PKD1L1: variants seen among roughly 807,000 people sequenced by gnomAD.
PKD1L1 encodes the protein polycystin-1-like protein 1.
In PKD1L1, 236 loss-of-function variants were observed where a neutral mutation model predicts 323.4. The ratio of observed to expected loss-of-function variants is 0.73; its 90% CI spans 0.66 to 0.81. The LOEUF (loss-of-function observed/expected upper bound fraction) is 0.81, where lower values mean the gene tolerates loss of function less well. PKD1L1 is among the 40% of genes least tolerant of loss of function. The pLI is 0.00. For missense variants in PKD1L1, 3,320 were observed against 3,508.0 expected (o/e 0.95, Z 1.35); for synonymous variants, 1,344 against 1,335.0 (o/e 1.01, Z -0.15).
chr7:47,800,686 A>T lies in PKD1L1; in HGVS notation c.8156T>A (p.Ile2719Asn), dbSNP rs753425528. The stretch of plus-strand genomic sequence containing the variant: ...CAGTGTGGCAGAGACTATTAAAAGG[A>T]TCCCAAAGTAACAAGCCATGGCCCG... ...DQRAMACYFG[I>N]LLIVSATLCF... is the part of the protein sequence containing the mutation. Residue 2719 changes from isoleucine (I) to asparagine (N), a missense_variant, in exon 54 of 57, where the codon ATC becomes AAC. Ile to Asn is a moderately radical substitution (Grantham distance 149). Transcript: ENST00000289672. The T allele has an allele frequency of 2.5e-6, 4 of 1,614,212 alleles. No individual in the cohort carries two copies. In the Admixed American group the frequency reaches 6.7e-5, roughly 27 times the overall value.
rs1197055678 is a variant in PKD1L1, at chr7:47,803,268, G to C, written c.7904C>G (p.Thr2635Arg). ...KCVYLPGIQN[T>R]MASCSSMMRH... is the part of the protein sequence containing the mutation. ...CATCATGGAGGAGCAGGATGCCATTGTGTTTTGAATGCCAGGAAGATAGAC... is the reference window on the plus strand; with the variant it reads ...CATCATGGAGGAGCAGGATGCCATTCTGTTTTGAATGCCAGGAAGATAGAC... The change falls in exon 53 of 57, where the codon ACA (threonine) becomes AGA (arginine). Residue 2635 changes from threonine to arginine, a missense_variant. By Grantham distance (71) the Thr-to-Arg change is moderately conservative. Transcript: ENST00000289672. 6.2e-7 allele frequency: 1 copy of C among 1,614,166 alleles called. No individual in the cohort carries two copies. The highest frequency in any genetic ancestry group is 8.5e-7 in the Non-Finnish European group (1 of 1,180,026).
chr7:47,960,671 GAAAT>G, the PKD1L1 span, among the ~76,000 whole-genome samples: 453 of 140,772 alleles, frequency 3.2e-3, 1 homozygote, highest in Non-Finnish European at 5.7e-3. Flanking sequence ...GAAAGGAGCA[GAAAT>G]AAATAATTTT....
At chr7:47,890,505 C>A in intron 16 of PKD1L1, 37 bp downstream of exon 16, 1 of 1,594,940 alleles carries the variant, frequency 6.3e-7, no homozygotes, top group South Asian at 1.1e-5. Flanking sequence ...GAACAAACAC[C>A]GGTGAGCTGA....
At chr7:47,811,768 C>T (rs1019915550) in intron 50 of PKD1L1, 49 bp downstream of exon 50, 6 of 1,469,046 alleles carry the variant, frequency 4.1e-6, no homozygotes, top group Non-Finnish European at 5.6e-6. Flanking sequence ...CAGGTGAAGC[C>T]CCATCTTCCT....
chr7:47,904,106 G>A (rs542925756), intron 12 of PKD1L1, among the ~76,000 whole-genome samples: 48 of 152,258 alleles, frequency 3.2e-4, no homozygotes, highest in African/African-American at 1.1e-3. Flanking sequence ...TCCTACTCAA[G>A]ATATCACTTT....
intron 13 of PKD1L1, 98 bp downstream of exon 13, chr7:47,902,281 G>A (rs775903192): frequency 4.8e-5 from 70 of 1,469,770 alleles, no homozygotes; most frequent in Non-Finnish European, 6.2e-5. Context: ...ACAAAGCCTC[G>A]CTTCATGCCC....
chr7:47,889,888 T>G (rs753590234), intron 16 of PKD1L1, among the ~76,000 whole-genome samples: 7 of 152,126 alleles, frequency 4.6e-5, no homozygotes, highest in Non-Finnish European at 1.0e-4. Flanking sequence ...TCCATCCCGA[T>G]GCTCACTTAC....
Position 47,839,628 on chromosome 7 carries a change from G to T in PKD1L1, c.5587C>A (p.Arg1863Ser). 6.3e-7 allele frequency: 1 copy of T among 1,581,310 alleles called. No individual in the cohort carries two copies. Among genetic ancestry groups the T allele is most frequent in the Non-Finnish European group, 8.6e-7 (1 of 1,163,484 alleles). Reference protein sequence around the residue: ...PAQLGLLRKIRLWHDSRGPSP... With the variant: ...PAQLGLLRKISLWHDSRGPSP... Reference sequence around the variant, plus strand: ...GGCCCACGGCTGTCGTGCCAGAGGCGGATCTTCCTCAGCAGGCCCAGTTGG... The same window carrying T: ...GGCCCACGGCTGTCGTGCCAGAGGCTGATCTTCCTCAGCAGGCCCAGTTGG... The change falls in exon 36 of 57, where the codon CGC (arginine) becomes AGC (serine). Residue 1863 changes from arginine (R) to serine (S), a missense_variant. Transcript: ENST00000289672. The surrounding 1 kb of genome is among the most constrained non-coding windows in gnomAD (Gnocchi z 4.3).
chr7:47,949,059 G>A (rs1344377656), upstream of PKD1L1, among the ~76,000 whole-genome samples: 1 of 152,100 alleles, frequency 6.6e-6, no homozygotes, highest in African/African-American at 2.4e-5. Context: ...GAAGCTGAGA[G>A]AAGTCTGAGA....
chr7:47,891,046 C>T (rs1310646342), intron 15 of PKD1L1, among the ~76,000 whole-genome samples: 3 of 152,170 alleles, frequency 2.0e-5, no homozygotes, highest in Non-Finnish European at 1.5e-5. Context: ...CCCTTCTCTG[C>T]GCACAGCGAC....
chr7:47,862,471 G>T (rs543696262), intron 26 of PKD1L1, among the ~76,000 whole-genome samples: 1 of 152,152 alleles, frequency 6.6e-6, no homozygotes, highest in Admixed American at 6.5e-5. Context: ...CCTGCCATGC[G>T]TTACACCTAT....
At position 47,843,055 on chromosome 7, in the gene PKD1L1, G is replaced by T; in HGVS notation, c.5352C>A (p.Tyr1784Ter). ...VDHHEKKKAG[Y>*]IFLQEASLPG... is the part of the protein sequence containing the mutation. ...GCAGGGAAGCTTCTTGCAGAAAGAT[G>T]TAACCAGCTTTCTTTTTTTCATGAT... The change falls in exon 34 of 57, where the codon TAC becomes TAA. Residue 1784 changes from tyrosine to a stop codon, truncating the protein, a stop_gained. Coordinates refer to ENST00000289672, the MANE Select transcript of PKD1L1 (RefSeq NM_138295.5). LOFTEE classifies it high-confidence loss of function. 1.2e-6 allele frequency: 2 copies of T among 1,613,964 alleles called. No homozygotes were observed. Among genetic ancestry groups the T allele is most frequent in the Non-Finnish European group, 1.7e-6 (2 of 1,179,896 alleles).
At chr7:47,857,968 C>T in intron 27 of PKD1L1, 136 bp from the exon 28 acceptor site, 1 of 771,722 alleles carries the variant, frequency 1.3e-6, no homozygotes. Flanking sequence ...AGCAAGAGCG[C>T]AGGTCTTAGG....
intron 26 of PKD1L1, among the ~76,000 whole-genome samples, chr7:47,861,097 G>A (rs1051375778): frequency 4.6e-5 from 7 of 152,194 alleles, no homozygotes; most frequent in East Asian, 1.9e-4. Context: ...GAGTCACCAC[G>A]AGGGAGACAC....
chr7:47,911,519 C>T (rs73109237), intron 8 of PKD1L1, among the ~76,000 whole-genome samples: 151 of 152,180 alleles, frequency 9.9e-4, no homozygotes, highest in Admixed American at 2.1e-3. Context: ...GTTGCAGATG[C>T]TTAAAATTAT....
In PKD1L1 at chr7:47,840,428, T is replaced by C; in HGVS notation, c.5552+33A>G. On this transcript the variant is annotated intron_variant, in intron 35 of 56. Coordinates refer to ENST00000289672, the MANE Select transcript of PKD1L1 (RefSeq NM_138295.5). The surrounding 1 kb of genome is among the most constrained non-coding windows in gnomAD (Gnocchi z 4.1). ...ACACCAATTCTGATTGGCCTCTCTTTCCCAAATCTAGCAGTGAAATATTTT... is the reference window on the plus strand; with the variant it reads ...ACACCAATTCTGATTGGCCTCTCTTCCCCAAATCTAGCAGTGAAATATTTT... 1 of 1,535,284 alleles carries C rather than the reference T, an allele frequency of 6.5e-7. No homozygotes were observed. Among genetic ancestry groups the C allele is most frequent in the Non-Finnish European group, 9.0e-7 (1 of 1,108,648 alleles).
At chr7:47,942,286 T>C (rs1788003323) in intron 2 of PKD1L1, among the ~76,000 whole-genome samples, 1 of 152,180 alleles carries the variant, frequency 6.6e-6, no homozygotes, top group Non-Finnish European at 1.5e-5. Context: ...TTCATGATGA[T>C]TATGCTCTGT....
chr7:47,795,938 C>T (rs770936620), intron 55 of PKD1L1, 51 bp downstream of exon 55: 61 of 1,562,752 alleles, frequency 3.9e-5, no homozygotes, highest in Non-Finnish European at 5.1e-5. Context: ...ATGAAACCAT[C>T]ATCTTGAGTG....
In PKD1L1 at chr7:47,871,860, GAGA is replaced by G. The variant is rs577811123; in HGVS notation, c.3896+2036_3896+2038del. Among the ~76,000 whole-genome samples, 356 of 152,218 alleles carry G rather than the reference GAGA, an allele frequency of 2.3e-3. 2 individuals carry two copies. The highest frequency in any genetic ancestry group is 8.3e-3 in the African/African-American group (346 of 41,526). ...GACTGAATGCTTCCTCCTTAAAACT[GAGA>G]AGAAGACCAGGATTTCCACGCTTGC... On this transcript the variant is annotated intron_variant, in intron 24 of 56. Coordinates refer to ENST00000289672, the MANE Select transcript of PKD1L1 (RefSeq NM_138295.5).
Sources: allele counts gnomAD v4.1 joint callset (sites outside exome capture counted in the v4.1 genomes callset), GRCh38; gene constraint gnomAD v4.1.1; non-coding constraint Gnocchi (gnomAD v3.1); transcripts MANE v1.5; gene names NCBI Gene and HGNC (gene_info 2026-07-23, HGNC 2026-07-21).